Variants in PATJ observed in about 807,000 individuals in gnomAD.
PATJ encodes the protein inaD-like protein.
Under a neutral mutation model 224.9 loss-of-function variants are expected in PATJ, and 190 were observed. The observed-to-expected ratio is 0.84, with a 90% CI of 0.75 to 0.95. The LOEUF is 0.95. Among genes scored for constraint, PATJ ranks in the 40% least tolerant of loss-of-function variants. The pLI is 0.00. For synonymous variants in PATJ, 769 were observed against 820.3 expected (o/e 0.94, Z 1.07); for missense variants, 2,121 against 2,270.3 (o/e 0.93, Z 1.34).
chr1:62,039,935 G>T (rs991260460), intron 30 of PATJ, among the ~76,000 whole-genome samples: 1 of 151,788 alleles, frequency 6.6e-6, no homozygotes. Context: ...CAGTCTCCTG[G>T]TTGGGGGGTG....
At chr1:62,024,694 A>G (rs1319018672) in intron 29 of PATJ, among the ~76,000 whole-genome samples, 1 of 137,658 alleles carries the variant, frequency 7.3e-6, no homozygotes, top group African/African-American at 2.9e-5. Flanking sequence ...ACACACACAC[A>G]CACACACACA....
At chr1:62,047,063 T>G (rs11576777) in intron 30 of PATJ, among the ~76,000 whole-genome samples, 28,606 of 152,162 alleles carry the variant, frequency 0.19, 3,184 homozygotes, top group Non-Finnish European at 0.26. Flanking sequence ...AAAGTAAAGG[T>G]TCCTCTAATT....
At chr1:62,102,922 AG>A (rs1191808675) in intron 33 of PATJ, among the ~76,000 whole-genome samples, 1 of 147,994 alleles carries the variant, frequency 6.8e-6, no homozygotes, top group African/African-American at 2.5e-5. Context: ...GGAGATTGGG[AG>A]GGGGCCTATG....
chr1:61,936,536 A>G (rs1676911670), intron 27 of PATJ, among the ~76,000 whole-genome samples: 1 of 151,778 alleles, frequency 6.6e-6, no homozygotes, highest in Admixed American at 6.6e-5. Context: ...CCTACAGAGT[A>G]TTTTGGCTAT....
chr1:61,875,041 A>G (rs776289756), intron 20 of PATJ, among the ~76,000 whole-genome samples: 1 of 152,194 alleles, frequency 6.6e-6, no homozygotes, highest in Non-Finnish European at 1.5e-5. Flanking sequence ...AAGTTTTAGA[A>G]TAAACAGATT....
Position 62,152,874 on chromosome 1 carries a change from C to A in PATJ, c.5379-484C>A, listed in dbSNP as rs543171443. On this transcript the variant is annotated intron_variant, in intron 42 of 43. Coordinates refer to ENST00000642238, the MANE Select transcript of PATJ (RefSeq NM_001350145.3). ...TAAAAACTGGCCGGGTGCAGTGGCT[C>A]ATGCCTGTAATCCCAGCACTTTGGG... is the stretch of plus-strand genomic sequence containing the variant. Among the ~76,000 whole-genome samples the A allele has an allele frequency of 6.6e-4, 100 of 152,048 alleles. 1 individual carries two copies. Among genetic ancestry groups the A allele is most frequent in the Non-Finnish European group, 7.9e-4 (54 of 67,954 alleles).
At chr1:62,153,306 A>T in intron 42 of PATJ, 52 bp from the exon 43 acceptor site, 1 of 1,157,986 alleles carries the variant, frequency 8.6e-7, no homozygotes, top group Non-Finnish European at 1.1e-6. Context: ...ATTAAATGAA[A>T]TTCCCTCTCA....
At chr1:62,001,608 C>T (rs1263809726) in intron 28 of PATJ, among the ~76,000 whole-genome samples, 1 of 151,618 alleles carries the variant, frequency 6.6e-6, no homozygotes, top group Non-Finnish European at 1.5e-5. Flanking sequence ...AGTTTGAAAT[C>T]AGGTAGCGTG....
chr1:61,923,032 T>G (rs769698762), intron 26 of PATJ, among the ~76,000 whole-genome samples: 1 of 152,258 alleles, frequency 6.6e-6, no homozygotes, highest in East Asian at 1.9e-4. Flanking sequence ...AACTTTGGAC[T>G]GCTCCATTAA....
intron 41 of PATJ, among the ~76,000 whole-genome samples, chr1:62,141,180 C>T (rs1425953179): frequency 6.6e-6 from 1 of 152,098 alleles, no homozygotes; most frequent in Non-Finnish European, 1.5e-5. Context: ...AACTCTGTTG[C>T]CTCACACAAG....
intron 31 of PATJ, among the ~76,000 whole-genome samples, chr1:62,062,219 T>C (rs1472926149): frequency 2.6e-5 from 4 of 151,986 alleles, no homozygotes; most frequent in Non-Finnish European, 1.5e-5. Flanking sequence ...AAATAGCATA[T>C]AAGAGTTCTT....
At chr1:61,778,408 T>G (rs1431764039) in intron 7 of PATJ, among the ~76,000 whole-genome samples, 4 of 152,168 alleles carry the variant, frequency 2.6e-5, no homozygotes, top group Non-Finnish European at 5.9e-5. Flanking sequence ...TGGATTTTAA[T>G]AAAATAGTGT....
chr1:61,913,396 T>C (rs928872787), intron 25 of PATJ, among the ~76,000 whole-genome samples: 2 of 152,164 alleles, frequency 1.3e-5, no homozygotes, highest in African/African-American at 4.8e-5. Context: ...TTTGTAGAGA[T>C]GGAGTCTCCC....
chr1:62,024,657 AACACACACACAC>A (rs10605703), intron 29 of PATJ, among the ~76,000 whole-genome samples: 4,818 of 107,644 alleles, frequency 0.045, 193 homozygotes, highest in African/African-American at 0.1. Context: ...CCCACCTCCC[AACACACACACAC>A]ACACACACAC....
At chr1:61,842,225 A>G (rs1661212441) in intron 17 of PATJ, among the ~76,000 whole-genome samples, 1 of 152,190 alleles carries the variant, frequency 6.6e-6, no homozygotes, top group African/African-American at 2.4e-5. Flanking sequence ...TCAGCTTGAA[A>G]TCCAGATAGT....
chr1:61,943,493 C>T (rs1424625928), intron 27 of PATJ, among the ~76,000 whole-genome samples: 2 of 152,178 alleles, frequency 1.3e-5, no homozygotes, highest in Non-Finnish European at 2.9e-5. Flanking sequence ...GCTGCTAGCA[C>T]AGCAGTCTGA....
intron 31 of PATJ, among the ~76,000 whole-genome samples, chr1:62,053,749 T>G (rs1654065965): frequency 6.6e-6 from 1 of 151,854 alleles, no homozygotes; most frequent in South Asian, 2.1e-4. Flanking sequence ...AAGAAGTCAC[T>G]TGACCTCACC....
At chr1:61,798,506 A>G (rs149431230) in intron 11 of PATJ, among the ~76,000 whole-genome samples, 1 of 152,300 alleles carries the variant, frequency 6.6e-6, no homozygotes, top group Non-Finnish European at 1.5e-5. Context: ...GCTGCATGTC[A>G]GTTTTTAATT....
chr1:61,889,300 C>T (rs72676230), intron 22 of PATJ, among the ~76,000 whole-genome samples: 3,376 of 152,154 alleles, frequency 0.022, 64 homozygotes, highest in Non-Finnish European at 0.033. Flanking sequence ...TTCTCCTTAC[C>T]TTAGGAGGTA....
Sources: allele counts gnomAD v4.1 joint callset (sites outside exome capture counted in the v4.1 genomes callset), GRCh38; gene constraint gnomAD v4.1.1; transcripts MANE v1.5; gene names NCBI Gene and HGNC (gene_info 2026-07-23, HGNC 2026-07-21).